Variants in RAD51B observed in about 807,000 individuals in gnomAD.
The protein encoded by RAD51B is DNA repair protein RAD51 homolog 2.
RAD51B carries 38 observed loss-of-function variants against 42.2 expected under a neutral mutation model. The observed-to-expected ratio is 0.90, with a 90% confidence interval of 0.70 to 1.18. The LOEUF (loss-of-function observed/expected upper bound fraction) is 1.18. Ranked by LOEUF, RAD51B falls within the 50% of genes most tolerant of loss-of-function variation. RAD51B has a pLI of 0.00. For synonymous variants in RAD51B, 154 were observed against 145.2 expected (o/e 1.06, Z -0.43); for missense variants, 373 against 400.7 (o/e 0.93, Z 0.59).
intron 10 of RAD51B, among the ~76,000 whole-genome samples, chr14:68,530,289 TAAA>T (rs75359642): frequency 1.3e-5 from 2 of 150,030 alleles, no homozygotes; most frequent in African/African-American, 2.5e-5. Context: ...ACAAAAAATT[TAAA>T]AAAAAAATGC....
intron 7 of RAD51B, among the ~76,000 whole-genome samples, chr14:68,087,963 TTTA>T (rs1348504676): frequency 2.0e-4 from 23 of 112,528 alleles, no homozygotes; most frequent in South Asian, 4.7e-4. Context: ...AATTATATAA[TTTA>T]TTATTATATA....
intron 7 of RAD51B, among the ~76,000 whole-genome samples, chr14:68,172,843 C>T (rs1231715514): frequency 1.3e-5 from 2 of 152,100 alleles, no homozygotes; most frequent in Non-Finnish European, 2.9e-5. Context: ...CTAGTATTGG[C>T]CTCCCTTCCC....
chr14:67,825,659 C>A, intron 3 of RAD51B, 82 bp downstream of exon 3: 1 of 1,014,254 alleles, frequency 9.9e-7, no homozygotes, highest in Non-Finnish European at 1.4e-6. Context: ...GAGGCACATG[C>A]AGAAATAGAG....
intron 7 of RAD51B, among the ~76,000 whole-genome samples, chr14:68,061,773 T>C (rs2076572014): frequency 6.6e-6 from 1 of 152,230 alleles, no homozygotes. Flanking sequence ...TGAGTTTGTC[T>C]ATTCATTCTA....
intron 4 of RAD51B, among the ~76,000 whole-genome samples, chr14:67,846,143 A>T (rs905658540): frequency 2.6e-5 from 4 of 152,038 alleles, no homozygotes; most frequent in African/African-American, 9.7e-5. Flanking sequence ...TTATGGTGGG[A>T]TGCACACTCC....
At chr14:68,042,996 T>C (rs1240951017) in intron 7 of RAD51B, among the ~76,000 whole-genome samples, 1 of 152,114 alleles carries the variant, frequency 6.6e-6, no homozygotes, top group Non-Finnish European at 1.5e-5. Context: ...AATCAGAATG[T>C]AGGTGATCCT....
At position 68,468,209 on chromosome 14, in the gene RAD51B, C is replaced by G. The variant is rs763612075; in HGVS notation, c.995C>G (p.Ser332Ter). ...AAGTCCCCTCTGGCTCCCTTCACCT[C>G]ATTTGTCTACACCATCAAGGAGGAA... is the stretch of plus-strand genomic sequence containing the variant. Reference protein sequence around the residue: ...IAKSPLAPFTSFVYTIKEEGL... With the variant: ...IAKSPLAPFT The change falls in exon 10 of 11, where the codon TCA becomes TGA. Residue 332 changes from serine (S) to a stop codon, truncating the protein, a stop_gained. Transcript: ENST00000471583. LOFTEE classifies it high-confidence loss of function. The G allele has an allele frequency of 6.2e-7, 1 of 1,613,940 alleles. No individual in the cohort carries two copies. The highest frequency in any genetic ancestry group is 1.3e-5 in the African/African-American group (1 of 74,920).
intron 7 of RAD51B, among the ~76,000 whole-genome samples, chr14:68,291,015 C>A (rs1335213204): frequency 2.0e-5 from 3 of 151,852 alleles, no homozygotes; most frequent in Non-Finnish European, 2.9e-5. Context: ...TCCACATTGG[C>A]AAGGCTGGTC....
chr14:68,424,565 G>A (rs1421587449), intron 9 of RAD51B, among the ~76,000 whole-genome samples: 1 of 152,144 alleles, frequency 6.6e-6, no homozygotes, highest in Non-Finnish European at 1.5e-5. Context: ...TGGAATGTTA[G>A]GCTCTTCTTT....
chr14:68,609,253 G>A (rs1178925334), intron 10 of RAD51B, among the ~76,000 whole-genome samples: 2 of 152,166 alleles, frequency 1.3e-5, no homozygotes, highest in African/African-American at 4.8e-5. Context: ...GGCCCCAGAG[G>A]AGGTGCGGCT....
At chr14:68,141,035 A>C (rs1453306748) in intron 7 of RAD51B, among the ~76,000 whole-genome samples, 2 of 152,194 alleles carry the variant, frequency 1.3e-5, no homozygotes, top group East Asian at 3.8e-4. Context: ...CTCTGAGATA[A>C]CAGCAATAAA....
At chr14:67,839,141 T>A (rs2041343826) in intron 4 of RAD51B, among the ~76,000 whole-genome samples, 1 of 152,144 alleles carries the variant, frequency 6.6e-6, no homozygotes, top group Non-Finnish European at 1.5e-5. Flanking sequence ...CAGCTGTAAT[T>A]TTCCTTTTAG....
At chr14:68,674,091 A>T (rs1436085001) in intron 11 of RAD51B, among the ~76,000 whole-genome samples, 2 of 152,142 alleles carry the variant, frequency 1.3e-5, no homozygotes, top group African/African-American at 4.8e-5. Flanking sequence ...GTACACAGGT[A>T]TACGCACACT....
chr14:68,223,449 C>G (rs1389984367), intron 7 of RAD51B, among the ~76,000 whole-genome samples: 1 of 152,202 alleles, frequency 6.6e-6, no homozygotes, highest in Non-Finnish European at 1.5e-5. Context: ...TCACCCAAGT[C>G]GTCCAAGTTC....
intron 10 of RAD51B, among the ~76,000 whole-genome samples, chr14:68,501,541 C>T (rs925187455): frequency 7.2e-5 from 11 of 152,216 alleles, no homozygotes; most frequent in African/African-American, 2.7e-4. Flanking sequence ...TTTTACACAC[C>T]ATGGGGGGCT....
At chr14:67,893,764 A>AG (rs1482714372) in intron 7 of RAD51B, among the ~76,000 whole-genome samples, 1 of 152,132 alleles carries the variant, frequency 6.6e-6, no homozygotes, top group African/African-American at 2.4e-5. Flanking sequence ...GTCATAAAGA[A>AG]ATGGCACTGG....
chr14:68,543,646 A>G (rs541003018), intron 10 of RAD51B, among the ~76,000 whole-genome samples: 4 of 152,202 alleles, frequency 2.6e-5, no homozygotes, highest in Non-Finnish European at 5.9e-5. Context: ...CTGATCACCC[A>G]TGTTCATATT....
intron 10 of RAD51B, among the ~76,000 whole-genome samples, chr14:68,533,572 C>T (rs1161975623): frequency 6.6e-6 from 1 of 152,120 alleles, no homozygotes; most frequent in Admixed American, 6.6e-5. Flanking sequence ...ACAGATGTCA[C>T]AGTGGAGGGA....
chr14:68,603,796 G>A (rs145191588), intron 10 of RAD51B, among the ~76,000 whole-genome samples: 3,121 of 152,322 alleles, frequency 0.02, 55 homozygotes, highest in Non-Finnish European at 0.035. Context: ...GCCTTGGGCC[G>A]CTCCTTCAGT....
Sources: gnomAD v4.1 joint callset for allele counts (sites outside exome capture counted in the v4.1 genomes callset) on GRCh38, gnomAD v4.1.1 for gene constraint, MANE v1.5 for transcripts, NCBI Gene and HGNC (gene_info 2026-07-23, HGNC 2026-07-21) for gene names.